Variants in PLXNA4 observed in about 807,000 individuals in gnomAD.
PLXNA4 encodes plexin-A4.
A neutral mutation model predicts 191.8 loss-of-function variants in PLXNA4; 44 were observed. The observed-to-expected ratio is 0.23, with a 90% CI of 0.18 to 0.29. The LOEUF (loss-of-function observed/expected upper bound fraction) is 0.29, where lower values mean the gene tolerates loss of function less well. Ranked by LOEUF, PLXNA4 falls within the 10% of genes least tolerant of loss-of-function variation. The probability of loss-of-function intolerance (pLI) is 1.00; values close to 1 mark genes in which losing one functional copy is unlikely to be tolerated. For synonymous variants in PLXNA4, 1,082 were observed against 1,009.5 expected (o/e 1.07, Z -1.36); for missense variants, 1,800 against 2,488.8 (o/e 0.72, Z 5.89).
chr7:132,237,934 AT>A (rs1374298818), intron 5 of PLXNA4, among the ~76,000 whole-genome samples: 1 of 152,216 alleles, frequency 6.6e-6, no homozygotes, highest in Non-Finnish European at 1.5e-5. Context: ...CTGAGGTGGG[AT>A]AAGGCAGCCT....
At chr7:132,643,061 T>A (rs1221429990) in intron 2 of PLXNA4, among the ~76,000 whole-genome samples, 1 of 152,082 alleles carries the variant, frequency 6.6e-6, no homozygotes, top group South Asian at 2.1e-4. Context: ...AGAATTTCAA[T>A]GGTCTGCCAT....
At chr7:132,243,339 C>T (rs934604751) in intron 4 of PLXNA4, among the ~76,000 whole-genome samples, 3 of 152,188 alleles carry the variant, frequency 2.0e-5, no homozygotes, top group African/African-American at 7.2e-5. Flanking sequence ...AAAGCATTTT[C>T]TCGCTCTAAA....
chr7:132,442,412 T>C (rs1411964710), intron 3 of PLXNA4, among the ~76,000 whole-genome samples: 1 of 152,128 alleles, frequency 6.6e-6, no homozygotes, highest in Non-Finnish European at 1.5e-5. Flanking sequence ...CCAACCCCCA[T>C]CCCACTTTCA....
intron 21 of PLXNA4, among the ~76,000 whole-genome samples, chr7:132,171,040 A>T (rs1763049754): frequency 2.0e-5 from 3 of 152,166 alleles, no homozygotes; most frequent in Admixed American, 2.0e-4. Context: ...AGGGAAGGAC[A>T]ACTTTACCTT....
rs758178780 is a variant in PLXNA4 at position 132,194,042 on chromosome 7, C to G, written c.2856+20G>C. 58 of 1,607,328 alleles carry G rather than the reference C, an allele frequency of 3.6e-5. No individual in the cohort carries two copies. Among genetic ancestry groups the G allele is most frequent in the Non-Finnish European group, 4.7e-5 (55 of 1,175,302 alleles). On this transcript the variant is annotated intron_variant, in intron 14 of 31. Transcript: ENST00000321063. ...CTCTGTGGCCTGCACCCAGCCAGAT[C>G]ACTGCTGGCCAAGACTCACCATGAA...
At chr7:132,335,122 T>C (rs1156554919) in intron 3 of PLXNA4, among the ~76,000 whole-genome samples, 2 of 152,232 alleles carry the variant, frequency 1.3e-5, no homozygotes, top group Non-Finnish European at 2.9e-5. Flanking sequence ...CAAAATATAT[T>C]GTTTGTGTTT....
intron 3 of PLXNA4, among the ~76,000 whole-genome samples, chr7:132,461,258 T>C (rs1470477041): frequency 6.6e-6 from 1 of 152,216 alleles, no homozygotes; most frequent in Non-Finnish European, 1.5e-5. Context: ...CTTCCTCTGA[T>C]CCAGAGGGAA....
intron 2 of PLXNA4, among the ~76,000 whole-genome samples, chr7:132,497,234 G>C (rs980932173): frequency 1.3e-5 from 2 of 151,978 alleles, no homozygotes; most frequent in South Asian, 4.1e-4. Context: ...TTTAAAGGGA[G>C]ATATTGATCA....
Position 132,638,243 on chromosome 7 carries a change from T to C in PLXNA4, c.-87+7685A>G, listed in dbSNP as rs553736629. The stretch of plus-strand genomic sequence containing the variant: ...AGCTCTCATGCCAGGCACAGCCCTG[T>C]GCCCATCCCTGCTTACCCCATGAGG... On this transcript the variant is annotated intron_variant, in intron 2 of 4. Transcript: ENST00000378539. Among the ~76,000 whole-genome samples the C allele has an allele frequency of 2.6e-5, 4 of 152,336 alleles. No homozygotes were observed. In the East Asian group the frequency reaches 5.8e-4, roughly 22 times the overall value.
intron 1 of PLXNA4, among the ~76,000 whole-genome samples, chr7:132,529,860 C>A (rs1377963443): frequency 6.6e-6 from 1 of 152,190 alleles, no homozygotes; most frequent in African/African-American, 2.4e-5. Flanking sequence ...CTGCCTCGGC[C>A]TCCCAAAGTG....
chr7:132,384,216 G>A, intron 3 of PLXNA4: 1 of 985,366 alleles, frequency 1.0e-6, no homozygotes, highest in Non-Finnish European at 1.2e-6. Flanking sequence ...AACTATACGA[G>A]GTTTAGTGTG....
At chr7:132,177,390 T>A (rs930733382) in intron 20 of PLXNA4, among the ~76,000 whole-genome samples, 1 of 152,230 alleles carries the variant, frequency 6.6e-6, no homozygotes, top group South Asian at 2.1e-4. Flanking sequence ...AGGAGACCCC[T>A]TGGCTTGGGC....
intron 3 of PLXNA4, among the ~76,000 whole-genome samples, chr7:132,318,306 C>T (rs1016178784): frequency 1.3e-5 from 2 of 152,222 alleles, no homozygotes; most frequent in Admixed American, 6.5e-5. Flanking sequence ...GCCCCATCTG[C>T]TCACTAAAGG....
intron 2 of PLXNA4, among the ~76,000 whole-genome samples, chr7:132,499,739 T>C (rs907536028): frequency 6.6e-6 from 1 of 152,172 alleles, no homozygotes; most frequent in African/African-American, 2.4e-5. Context: ...TTAGCCCCAC[T>C]CTCACGGCAA....
chr7:132,401,703 T>G (rs550245439), intron 3 of PLXNA4, among the ~76,000 whole-genome samples: 1 of 152,088 alleles, frequency 6.6e-6, no homozygotes, highest in Non-Finnish European at 1.5e-5. Context: ...GTGGCCATAC[T>G]GGGGAGGAGG....
At chr7:132,578,692 A>G (rs1315250986), upstream of PLXNA4, among the ~76,000 whole-genome samples, 2 of 152,166 alleles carry the variant, frequency 1.3e-5, no homozygotes, top group Non-Finnish European at 2.9e-5. Flanking sequence ...AGATGAACCA[A>G]GCCAGAATGA....
At chr7:132,225,705 T>C (rs569719139) in intron 8 of PLXNA4, among the ~76,000 whole-genome samples, 36 of 152,118 alleles carry the variant, frequency 2.4e-4, no homozygotes, top group African/African-American at 8.4e-4. Flanking sequence ...GAGCATGCAA[T>C]TGAGTGGTTA....
chr7:132,316,796 G>A (rs1801961403), intron 3 of PLXNA4, among the ~76,000 whole-genome samples: 1 of 152,200 alleles, frequency 6.6e-6, no homozygotes, highest in Non-Finnish European at 1.5e-5. Context: ...AGGGACTGGG[G>A]TCTCACAAGA....
intron 14 of PLXNA4, among the ~76,000 whole-genome samples, chr7:132,188,068 C>T (rs987554946): frequency 6.6e-6 from 1 of 152,030 alleles, no homozygotes; most frequent in Non-Finnish European, 1.5e-5. Flanking sequence ...GTTCTCAACC[C>T]CTCTCTGACC....
Sources: gnomAD v4.1 joint callset for allele counts (sites outside exome capture counted in the v4.1 genomes callset) on GRCh38, gnomAD v4.1.1 for gene constraint, MANE v1.5 for transcripts, NCBI Gene and HGNC (gene_info 2026-07-23, HGNC 2026-07-21) for gene names.